PIP5K1C: variants seen among roughly 807,000 people sequenced by gnomAD.
The protein encoded by PIP5K1C is phosphatidylinositol-4-phosphate 5-kinase type 1 gamma, also known as phosphatidylinositol 4-phosphate 5-kinase type-1 gamma.
A neutral mutation model predicts 80.1 loss-of-function variants in PIP5K1C; 45 were observed. That is an observed-to-expected ratio of 0.56 (90% CI 0.44 to 0.72). PIP5K1C has a LOEUF of 0.72. Ranked by LOEUF, PIP5K1C falls within the 30% of genes least tolerant of loss-of-function variation. The pLI is 0.00. For missense variants in PIP5K1C, 753 were observed against 954.6 expected, an observed-to-expected ratio of 0.79 and a Z score of 2.78; for synonymous variants, 498 against 420.1, an observed-to-expected ratio of 1.19 and a Z score of -2.27.
intron 8 of PIP5K1C, among the ~76,000 whole-genome samples, chr19:3,650,338 G>A (rs2034391067): frequency 6.6e-6 from 1 of 152,256 alleles, no homozygotes; most frequent in South Asian, 2.1e-4. Context: ...AGGCCGCTGT[G>A]AAGACTGAAC....
At chr19:3,646,804 G>A (rs2034236026) in intron 10 of PIP5K1C, among the ~76,000 whole-genome samples, 1 of 152,148 alleles carries the variant, frequency 6.6e-6, no homozygotes, top group Non-Finnish European at 1.5e-5. Context: ...TACAGGCTGT[G>A]GTCACACAGA....
intron 1 of PIP5K1C, among the ~76,000 whole-genome samples, chr19:3,680,759 G>A (rs2035566821): frequency 6.6e-6 from 1 of 152,226 alleles, no homozygotes; most frequent in African/African-American, 2.4e-5. Context: ...GGTCAGAGGA[G>A]ATCAGGCGGA....
At chr19:3,662,416 G>A (rs2034863311) in intron 3 of PIP5K1C, among the ~76,000 whole-genome samples, 1 of 152,218 alleles carries the variant, frequency 6.6e-6, no homozygotes, top group Admixed American at 6.5e-5. Flanking sequence ...GCAGACGCAG[G>A]TTCCCGTTAG....
At chr19:3,695,666 T>G (rs2036080293) in intron 1 of PIP5K1C, among the ~76,000 whole-genome samples, 1 of 151,362 alleles carries the variant, frequency 6.6e-6, no homozygotes, top group South Asian at 2.1e-4. Flanking sequence ...CCGTCCCCAG[T>G]GTCCTCAGCC....
chr19:3,682,936 T>G, intron 1 of PIP5K1C, among the ~76,000 whole-genome samples: 1 of 103,064 alleles, frequency 9.7e-6, no homozygotes, highest in Non-Finnish European at 2.0e-5. Flanking sequence ...ACACCTCCCC[T>G]CCTCCCCCTC....
At chr19:3,687,489 G>A (rs1387829104) in intron 1 of PIP5K1C, among the ~76,000 whole-genome samples, 1 of 128,778 alleles carries the variant, frequency 7.8e-6, no homozygotes. Flanking sequence ...GGACACAGAC[G>A]CACATACACG....
At position 3,637,471 on chromosome 19, in the gene PIP5K1C, G is replaced by A. The variant is rs2033743295; in HGVS notation, c.1920+1413C>T. 1 of 1,535,698 alleles carries A rather than the reference G, an allele frequency of 6.5e-7. No individual in the cohort carries two copies. Among genetic ancestry groups the A allele is most frequent in the Non-Finnish European group, 8.7e-7 (1 of 1,146,792 alleles). ...ACACTGAGCTTCCGGCCGGGGACCT[G>A]CGGCTCCCTGCTGCCCGAGGGGCAC... On this transcript the variant is annotated intron_variant, in intron 16 of 17. Transcript: ENST00000335312. The surrounding 1 kb of genome is among the most constrained non-coding windows in gnomAD (Gnocchi z 7.0).
chr19:3,683,529 G>C (rs1568354935), intron 1 of PIP5K1C, among the ~76,000 whole-genome samples: 1 of 152,346 alleles, frequency 6.6e-6, no homozygotes, highest in Non-Finnish European at 1.5e-5. Context: ...TCACGCAATT[G>C]TCCCAACAAC....
At chr19:3,662,976 C>G (rs2034887750) in intron 3 of PIP5K1C, among the ~76,000 whole-genome samples, 1 of 152,206 alleles carries the variant, frequency 6.6e-6, no homozygotes, top group Non-Finnish European at 1.5e-5. Context: ...ATTCTCCCGC[C>G]TCAGCCTCCC....
Position 3,633,477 on chromosome 19 carries a change from C to T in PIP5K1C, c.1964G>A (p.Ser655Asn). 6.6e-7 allele frequency: 1 copy of T among 1,513,856 alleles called. No individual in the cohort carries two copies. The highest frequency in any genetic ancestry group is 8.9e-7 in the Non-Finnish European group (1 of 1,128,606). The allele number at this position is 1,513,856 out of a possible 1,614,324, so 93.8% of individuals were successfully genotyped here. ...GTCGGAGGCCGGGGGGGCCTGGGCG[C>T]TATAGTGGAGCGGGGAGTACACCCA... ...RSWVYSPLHY[S>N]AQAPPASDGE... The change falls in exon 17 of 18, where the codon AGC becomes AAC. Residue 655 changes from serine to asparagine, a missense_variant. Ser to Asn is a conservative substitution (Grantham distance 46, BLOSUM62 1). This residue lies in a region of PIP5K1C where 315 missense variants were observed against 294.5 expected (regional missense o/e 1.07). Coordinates refer to ENST00000335312, the MANE Select transcript of PIP5K1C (RefSeq NM_012398.3).
intron 7 of PIP5K1C, 97 bp from the exon 8 acceptor site, chr19:3,652,128 G>T: frequency 9.0e-7 from 1 of 1,110,716 alleles, no homozygotes; most frequent in Non-Finnish European, 1.3e-6. Flanking sequence ...GGATGGCCCC[G>T]TGGGCTCGGG....
intron 16 of PIP5K1C, 32 bp downstream of exon 16, chr19:3,638,852 A>T (rs1205961689): frequency 6.2e-7 from 1 of 1,612,364 alleles, no homozygotes. Flanking sequence ...CCGGTTGACG[A>T]GCCGGCGGCA....
At chr19:3,671,619 G>A (rs1432751133) in intron 1 of PIP5K1C, among the ~76,000 whole-genome samples, 2 of 152,236 alleles carry the variant, frequency 1.3e-5, no homozygotes, top group Non-Finnish European at 2.9e-5. Flanking sequence ...CTCGGTTGGG[G>A]GACCCCAGGG....
At chr19:3,678,175 G>A (rs2035447452) in intron 1 of PIP5K1C, among the ~76,000 whole-genome samples, 1 of 139,196 alleles carries the variant, frequency 7.2e-6, no homozygotes, top group East Asian at 2.4e-4. Context: ...GAGATGGAGG[G>A]ATGGAGGATG....
rs533191921 is a variant in PIP5K1C, at chr19:3,700,221, C to T, written c.94+76G>A. On this transcript the variant is annotated intron_variant, in intron 1 of 17. Transcript: ENST00000335312. ...CCGCAGCGACCGTGCAGCCCCCGCC[C>T]CGGCCCCGCAGCCCCGCGACTCTCG... is the stretch of plus-strand genomic sequence containing the variant. The T allele has an allele frequency of 1.2e-5, 10 of 866,860 alleles. No homozygotes were observed. The African/African-American group carries it at 1.5e-4, about 13-fold the overall frequency. The allele number at this position is 866,860 out of a possible 1,614,324, so 53.7% of individuals were successfully genotyped here. A position where few individuals can be genotyped will look rare whatever the true frequency, so the allele number is the denominator to read the frequency against.
At chr19:3,697,141 G>C (rs192171700) in intron 1 of PIP5K1C, among the ~76,000 whole-genome samples, 1 of 150,236 alleles carries the variant, frequency 6.7e-6, no homozygotes, top group Admixed American at 6.6e-5. Flanking sequence ...GGACTGAGCC[G>C]GACGAAGGAG....
At position 3,652,039 on chromosome 19, in the gene PIP5K1C, G is replaced by A; in HGVS notation, c.922-8C>T. Reference sequence around the variant, plus strand: ...CTTGAAACTTTCCAGGACCTGGCGGGATCGGGCAGGAACACGCCACGCCGT... The same window carrying A: ...CTTGAAACTTTCCAGGACCTGGCGGAATCGGGCAGGAACACGCCACGCCGT... On this transcript the variant is annotated splice_region_variant and splice_polypyrimidine_tract_variant and intron_variant, in intron 7 of 17. Transcript: ENST00000335312. The A allele has an allele frequency of 6.2e-7, 1 of 1,612,824 alleles. No individual in the cohort carries two copies. The highest frequency in any genetic ancestry group is 1.1e-5 in the South Asian group (1 of 91,054).
At position 3,688,338 on chromosome 19, in the gene PIP5K1C, G is replaced by A. The variant is rs1005666391; in HGVS notation, c.94+11959C>T. Among the ~76,000 whole-genome samples the A allele has an allele frequency of 8.5e-5, 13 of 152,324 alleles. No homozygotes were observed. Among genetic ancestry groups the A allele is most frequent in the African/African-American group, 3.1e-4 (13 of 41,584 alleles). On this transcript the variant is annotated intron_variant, in intron 1 of 17. Transcript: ENST00000335312. This position sits in a 1 kb window ranked among gnomAD's most constrained non-coding sequence, Gnocchi z 5.3. Reference sequence around the variant, plus strand: ...GCCGTGGTGGGAAACAGAGCGGGGTGCCGCAGGGGAGCCCGCAGGAGCTCC... The same window carrying A: ...GCCGTGGTGGGAAACAGAGCGGGGTACCGCAGGGGAGCCCGCAGGAGCTCC...
At chr19:3,657,638 G>A (rs545948307) in intron 5 of PIP5K1C, among the ~76,000 whole-genome samples, 1 of 152,230 alleles carries the variant, frequency 6.6e-6, no homozygotes, top group South Asian at 2.1e-4. Context: ...CAGAAGCGAG[G>A]GGAGGCCAGG....
Sources: allele counts gnomAD v4.1 joint callset (sites outside exome capture counted in the v4.1 genomes callset), GRCh38; gene constraint gnomAD v4.1.1; regional missense constraint gnomAD v4.1.1; non-coding constraint Gnocchi (gnomAD v3.1); transcripts MANE v1.5; gene names NCBI Gene and HGNC (gene_info 2026-07-23, HGNC 2026-07-21).